Variants in LOC131768270 observed in about 807,000 individuals in gnomAD.
At chr5:140,567,031 T>C in the LOC131768270 span, 4 of 1,344,934 alleles carry the variant, frequency 3.0e-6, no homozygotes, top group African/African-American at 1.4e-5. Context: ...GTGGAGTTGG[T>C]AGATGCCTCT....
chr5:140,567,902 C>A, the LOC131768270 span: 1 of 1,614,232 alleles, frequency 6.2e-7, no homozygotes, highest in East Asian at 2.2e-5. Context: ...TGGCCCAGGC[C>A]TCCTGGAAGG....
chr5:140,567,526 T>TA, the LOC131768270 span: 2 of 1,614,068 alleles, frequency 1.2e-6, no homozygotes, highest in African/African-American at 2.7e-5. Context: ...AGGTGCTGAG[T>TA]AATCTCAAGA....
chr5:140,567,238 ACTC>A, the LOC131768270 span: 3 of 1,613,868 alleles, frequency 1.9e-6, no homozygotes, highest in South Asian at 1.1e-5. Flanking sequence ...CCCTGATGCT[ACTC>A]CTATCCACTG....
At chr5:140,568,009 CTT>C in the LOC131768270 span, 5 of 1,614,108 alleles carry the variant, frequency 3.1e-6, no homozygotes, top group Non-Finnish European at 4.2e-6. Flanking sequence ...TCACACGCCT[CTT>C]TGTGGTGTCC....
At chr5:140,564,995 G>A in the LOC131768270 span, 1 of 399,240 alleles carries the variant, frequency 2.5e-6, no homozygotes, top group South Asian at 1.3e-4. The surrounding 1 kb of genome is among the most constrained non-coding windows in gnomAD (Gnocchi z 5.0). Flanking sequence ...CCTGTCAACT[G>A]CCTCAACAGT....
chr5:140,567,481 C>T, the LOC131768270 span: 2 of 1,614,186 alleles, frequency 1.2e-6, no homozygotes, highest in African/African-American at 2.7e-5. Context: ...ACCTGGTGAT[C>T]TATCTTCAGC....
the LOC131768270 span, chr5:140,565,263 C>T: frequency 5.1e-6 from 1 of 195,998 alleles, no homozygotes; most frequent in Non-Finnish European, 1.0e-5. Flanking sequence ...TACTTATATG[C>T]GATCAAAATC....
the LOC131768270 span, chr5:140,568,591 T>C: frequency 2.3e-5 from 5 of 216,124 alleles, no homozygotes; most frequent in South Asian, 1.5e-4. Flanking sequence ...GGTGCATGAC[T>C]CTTCCATAAG....
the LOC131768270 span, chr5:140,567,645 G>A: frequency 6.2e-7 from 1 of 1,614,112 alleles, no homozygotes; most frequent in Non-Finnish European, 8.5e-7. Context: ...TATGCAGCAG[G>A]GGGCCTTCAA....
the LOC131768270 span, chr5:140,567,151 C>T: frequency 1.2e-6 from 2 of 1,614,176 alleles, no homozygotes; most frequent in South Asian, 1.1e-5. Flanking sequence ...CCCTTAGCCA[C>T]CCAGGGTCTT....
chr5:140,564,950 C>T, the LOC131768270 span: 1 of 399,934 alleles, frequency 2.5e-6, no homozygotes, highest in Admixed American at 4.4e-5. This position sits in a 1 kb window ranked among gnomAD's most constrained non-coding sequence, Gnocchi z 5.0. Flanking sequence ...TGGAGCGGCT[C>T]AGGAGTGAGG....
At chr5:140,565,207 A>C in the LOC131768270 span, 3 of 303,568 alleles carry the variant, frequency 9.9e-6, no homozygotes, top group Non-Finnish European at 1.8e-5. Context: ...ACGGACACTC[A>C]CACCACCCTC....
chr5:140,567,195 C>G, the LOC131768270 span: 1 of 1,613,734 alleles, frequency 6.2e-7, no homozygotes, highest in Non-Finnish European at 8.5e-7. Context: ...GGGGGTATGC[C>G]AGGCCTGGGC....
chr5:140,566,452 G>A, the LOC131768270 span: 1 of 399,516 alleles, frequency 2.5e-6, no homozygotes, highest in Non-Finnish European at 4.4e-6. Context: ...AAATACCACG[G>A]TTGTCCAGGG....
At chr5:140,567,986 C>T in the LOC131768270 span, 1 of 1,614,162 alleles carries the variant, frequency 6.2e-7, no homozygotes, top group Middle Eastern at 1.7e-4. Flanking sequence ...TGTCATGAAG[C>T]ATGGCAGCAG....
the LOC131768270 span, chr5:140,566,827 A>T: frequency 1.7e-6 from 1 of 601,892 alleles, no homozygotes; most frequent in Non-Finnish European, 3.0e-6. Context: ...CTTTATCTGG[A>T]TTCCCCAGCT....
At chr5:140,567,994 C>G in the LOC131768270 span, 2 of 1,614,114 alleles carry the variant, frequency 1.2e-6, no homozygotes, top group Non-Finnish European at 1.7e-6. Flanking sequence ...AGCATGGCAG[C>G]AGCATCACAC....
chr5:140,567,835 C>G, the LOC131768270 span: 5 of 1,614,164 alleles, frequency 3.1e-6, no homozygotes, highest in Non-Finnish European at 4.2e-6. Context: ...TTCAGAACCT[C>G]TTCCTCTACA....
At chr5:140,567,191 A>G in the LOC131768270 span, 1 of 1,613,076 alleles carries the variant, frequency 6.2e-7, no homozygotes, top group Non-Finnish European at 8.5e-7. Flanking sequence ...GGATGGGGGT[A>G]TGCCAGGCCT....
Sources: gnomAD v4.1 joint callset for allele counts on GRCh38, gnomAD v4.1.1 for gene constraint, Gnocchi (gnomAD v3.1) non-coding constraint, MANE v1.5 for transcripts.